The following MUC5AC variants were observed in gnomAD, a reference collection of about 807,000 sequenced individuals.
MUC5AC encodes mucin 5AC, oligomeric mucus/gel-forming, also known as mucin-5AC.
MUC5AC carries 158 observed loss-of-function variants against 169.7 expected under a neutral mutation model. The ratio of observed to expected loss-of-function variants is 0.93; its 90% CI spans 0.82 to 1.06. The LOEUF (loss-of-function observed/expected upper bound fraction) is 1.06, where lower values mean the gene tolerates loss of function less well. Among genes scored for constraint, MUC5AC ranks in the 50% least tolerant of loss-of-function variants. The pLI, the probability that MUC5AC is intolerant of heterozygous loss-of-function variation, is 0.00. For missense variants in MUC5AC, 4,359 were observed against 3,089.9 expected, an observed-to-expected ratio of 1.41 and a Z score of -9.74; for synonymous variants, 1,975 against 1,237.0, an observed-to-expected ratio of 1.60 and a Z score of -12.52.
In MUC5AC at chr11:1,184,520, G is replaced by A; in HGVS notation, c.6375G>A (p.Trp2125Ter). ...NCHPRCTWTT[W>*]FDVDFPSPGP... ...ATCCCCGGTGCACCTGGACAACGTGGTTCGACGTGGACTTCCCGTCCCCCG... is the reference window on the plus strand; with the variant it reads ...ATCCCCGGTGCACCTGGACAACGTGATTCGACGTGGACTTCCCGTCCCCCG... The change falls in exon 31 of 49, where the codon TGG (tryptophan) becomes TGA (stop). Residue 2125 changes from tryptophan to a stop codon, truncating the protein, a stop_gained. Coordinates refer to ENST00000621226, the MANE Select transcript of MUC5AC (RefSeq NM_001304359.2). LOFTEE classifies it high-confidence loss of function. The A allele has an allele frequency of 1.5e-6, 1 of 653,364 alleles. No individual in the cohort carries two copies. Among genetic ancestry groups the A allele is most frequent in the East Asian group, 2.5e-5 (1 of 40,028 alleles). 40.5% of individuals were successfully genotyped at this position (653,364 alleles called of 1,614,324 possible).
intron 1 of MUC5AC, among the ~76,000 whole-genome samples, chr11:1,159,616 G>T (rs1222612495): frequency 7.9e-6 from 1 of 125,790 alleles, no homozygotes; most frequent in Non-Finnish European, 1.6e-5. Context: ...TGCGGGGCTG[G>T]GGTCTGGTCC....
intron 3 of MUC5AC, 75 bp downstream of exon 3, chr11:1,161,661 C>G (rs1021487856): frequency 1.3e-5 from 19 of 1,508,832 alleles, no homozygotes; most frequent in Middle Eastern, 3.5e-4. Flanking sequence ...CTGGAGGTGC[C>G]GGGTGGAGAG....
intron 15 of MUC5AC, among the ~76,000 whole-genome samples, chr11:1,170,314 C>A (rs1284229637): frequency 7.0e-5 from 10 of 143,444 alleles, no homozygotes; most frequent in Non-Finnish European, 1.4e-4. Flanking sequence ...CACTCACTCA[C>A]CTCACTCACT....
Position 1,187,320 on chromosome 11 carries a change from A to C in MUC5AC, c.9175A>C (p.Ser3059Arg). The C allele has an allele frequency of 1.4e-6, 1 of 715,890 alleles. No homozygotes were observed. The highest frequency in any genetic ancestry group is 2.5e-6 in the Non-Finnish European group (1 of 393,576). 44.3% of individuals were successfully genotyped at this position (715,890 alleles called of 1,614,324 possible). Residue 3059 changes from serine to arginine, a missense_variant, in exon 31 of 49, where the codon AGC (serine) becomes CGC (arginine). Physicochemically the swap from Ser to Arg is moderately radical, Grantham distance 110 (BLOSUM62 -1). Transcript: ENST00000621226. Reference sequence around the variant, plus strand: ...CAGCACAACCTCGGCTTCTACCACCAGCATAACTTCTGGTCCTGGAACTAC... The same window carrying C: ...CAGCACAACCTCGGCTTCTACCACCCGCATAACTTCTGGTCCTGGAACTAC... ...QTSTTSASTT[S>R]ITSGPGTTPS...
At position 1,192,306 on chromosome 11, in the gene MUC5AC, C is replaced by T. The variant is rs757792438; in HGVS notation, c.14161C>T (p.Arg4721Cys). The T allele has an allele frequency of 3.9e-6, 3 of 765,100 alleles. No individual in the cohort carries two copies. Among genetic ancestry groups the T allele is most frequent in the South Asian group, 1.3e-5 (1 of 74,626 alleles). 47.4% of individuals were successfully genotyped at this position (765,100 alleles called of 1,614,324 possible). The change falls in exon 31 of 49, where the codon CGC becomes TGC. Residue 4721 changes from arginine (R) to cysteine (C), a missense_variant. Coordinates refer to ENST00000621226, the MANE Select transcript of MUC5AC (RefSeq NM_001304359.2). Reference protein sequence around the residue: ...PFKMCLNYEVRVLCCETPRGC... With the variant: ...PFKMCLNYEVCVLCCETPRGC... ...CAAGATGTGCCTCAACTACGAGGTG[C>T]GCGTGCTCTGCTGCGAGACCCCCAG...
chr11:1,180,034 A>G lies in MUC5AC; in HGVS notation c.3497A>G (p.Asp1166Gly), dbSNP rs1449276258. Reference protein sequence around the residue: ...RTPSICPLFCDYYNPEGQCEW... With the variant: ...RTPSICPLFCGYYNPEGQCEW... The stretch of plus-strand genomic sequence containing the variant: ...TTCCTCCCTGCAGCTCTGTTCTGCG[A>G]CTACTACAACCCCGAAGGCCAGTGC... The change falls in exon 27 of 49, where the codon GAC becomes GGC. Residue 1166 changes from aspartate (D) to glycine (G), a missense_variant. By Grantham distance (94) the Asp-to-Gly change is moderately conservative (BLOSUM62 -1). Coordinates refer to ENST00000621226, the MANE Select transcript of MUC5AC (RefSeq NM_001304359.2). The G allele has an allele frequency of 1.0e-5, 4 of 398,838 alleles. No individual in the cohort carries two copies. The highest frequency in any genetic ancestry group is 4.4e-5 in the Admixed American group (1 of 22,726). 24.7% of individuals were successfully genotyped at this position (398,838 alleles called of 1,614,324 possible).
Position 1,189,857 on chromosome 11 carries a change from C to G in MUC5AC, c.11712C>G (p.Thr3904=), listed in dbSNP as rs1861046843. 1 of 763,144 alleles carries G rather than the reference C, an allele frequency of 1.3e-6. No homozygotes were observed. The highest frequency in any genetic ancestry group is 2.4e-5 in the East Asian group (1 of 41,244). 47.3% of individuals were successfully genotyped at this position (763,144 alleles called of 1,614,324 possible). ...GCTCCACTCCACAGACCAGCAAAAC[C>G]TCAGCTGCTACAAGCAGCACAACCT... ...STSSTPQTSK[T]SAATSSTTSG... Residue 3904 remains threonine, a synonymous_variant, in exon 31 of 49, where the codon ACC becomes ACG. Transcript: ENST00000621226.
rs1264421827 is a variant in MUC5AC at position 1,173,752 on chromosome 11, CCACT to C, written c.1966-737_1966-734del. ...CTCATCCACTCACTCACTCACTCAT[CCACT>C]CACTCATCCACTCACTCACTCATCC... On this transcript the variant is annotated intron_variant, in intron 16 of 48. Transcript: ENST00000621226. 1.3e-4 allele frequency among the ~76,000 whole-genome samples: 19 copies of C among 141,914 alleles called. No individual in the cohort carries two copies. The East Asian group carries it at 2.6e-3, about 19-fold the overall frequency. 93.1% of individuals were successfully genotyped at this position (141,914 alleles called of 152,430 possible).
intron 15 of MUC5AC, among the ~76,000 whole-genome samples, chr11:1,171,413 AC>A (rs1860527130): frequency 2.8e-5 from 2 of 70,206 alleles, no homozygotes; most frequent in Non-Finnish European, 5.5e-5. Flanking sequence ...CCACTCACTC[AC>A]CTCACTCACT....
Position 1,185,470 on chromosome 11 carries a change from C to T in MUC5AC, c.7325C>T (p.Thr2442Ile). 4.1e-6 allele frequency: 3 copies of T among 729,182 alleles called. No individual in the cohort carries two copies. Among genetic ancestry groups the T allele is most frequent in the South Asian group, 1.4e-5 (1 of 69,966 alleles). The allele number at this position is 729,182 out of a possible 1,614,324, so 45.2% of individuals were successfully genotyped here. A position where few individuals can be genotyped will look rare whatever the true frequency, so the allele number is the denominator to read the frequency against. ...ACCAGCACAACCTCGGCTCCTACAA[C>T]CAGCACAACTTCTGGTCCTGGAACT... ...PQTSTTSAPT[T>I]STTSGPGTTP... The change falls in exon 31 of 49, where the codon ACC (threonine) becomes ATC (isoleucine). Residue 2442 changes from threonine to isoleucine, a missense_variant. Thr to Ile is a moderately conservative substitution (Grantham distance 89). Transcript: ENST00000621226.
At position 1,182,583 on chromosome 11, in the gene MUC5AC, C is replaced by G. The variant is rs878989392; in HGVS notation, c.4438C>G (p.Pro1480Ala). 0.43 allele frequency: 172,357 copies of G among 398,500 alleles called. 39,002 individuals are homozygous for G. The highest frequency in any genetic ancestry group is 0.66 in the African/African-American group (31,991 of 48,604). The allele number at this position is 398,500 out of a possible 1,614,324, so 24.7% of individuals were successfully genotyped here. A position where few individuals can be genotyped will look rare whatever the true frequency, so the allele number is the denominator to read the frequency against. The change falls in exon 31 of 49, where the codon CCC becomes GCC. Residue 1480 changes from proline to alanine, a missense_variant. By Grantham distance (27) the Pro-to-Ala change is conservative. Coordinates refer to ENST00000621226, the MANE Select transcript of MUC5AC (RefSeq NM_001304359.2). The stretch of plus-strand genomic sequence containing the variant: ...CAGGGTCCAGTGCTGCACGCCCCTA[C>G]CCTGCTCCACCTCTAGCAGTCCAGC... ...QIRVQCCTPLPCSTSSSPAQT... is the reference protein window; with the variant it reads ...QIRVQCCTPLACSTSSSPAQT...
At position 1,178,252 on chromosome 11, in the gene MUC5AC, CG is replaced by C. The variant is rs1407691075; in HGVS notation, c.3088-188del. 4.1e-3 allele frequency among the ~76,000 whole-genome samples: 627 copies of C among 152,324 alleles called. 3 individuals are homozygous for C. The highest frequency in any genetic ancestry group is 7.1e-3 in the Non-Finnish European group (482 of 68,028). Reference sequence around the variant, plus strand: ...GCCCTCGGTGCTCAGCTGCACTGCCCGGGGCCTCCCCAGGTGTAGCTGGAGG... The same window carrying C: ...GCCCTCGGTGCTCAGCTGCACTGCCCGGGCCTCCCCAGGTGTAGCTGGAGG... On this transcript the variant is annotated intron_variant, in intron 24 of 48. Coordinates refer to ENST00000621226, the MANE Select transcript of MUC5AC (RefSeq NM_001304359.2).
rs1265641849 is a variant in MUC5AC, at chr11:1,188,397, C to A, written c.10252C>A (p.Pro3418Thr). 8 of 631,972 alleles carry A rather than the reference C, an allele frequency of 1.3e-5. No homozygotes were observed. The African/African-American group carries it at 1.4e-4, about 11-fold the overall frequency. 39.1% of individuals were successfully genotyped at this position (631,972 alleles called of 1,614,324 possible). Residue 3418 changes from proline to threonine, a missense_variant, in exon 31 of 49, where the codon CCT becomes ACT. Physicochemically the swap from Pro to Thr is conservative, Grantham distance 38 (BLOSUM62 -1). Transcript: ENST00000621226. Reference sequence around the variant, plus strand: ...CCCTACAAGCAGCACAACCTCGGCTCCTACAAGCAGCACAATCTCTGCTCG... The same window carrying A: ...CCCTACAAGCAGCACAACCTCGGCTACTACAAGCAGCACAATCTCTGCTCG... Reference protein sequence around the residue: ...SAPTSSTTSAPTSSTISARTT... With the variant: ...SAPTSSTTSATTSSTISARTT...
chr11:1,197,652 C>T lies in MUC5AC; in HGVS notation c.16033+13C>T. The T allele has an allele frequency of 1.5e-6, 1 of 689,302 alleles. No homozygotes were observed. The highest frequency in any genetic ancestry group is 2.7e-6 in the Non-Finnish European group (1 of 375,044). The allele number at this position is 689,302 out of a possible 1,614,324, so 42.7% of individuals were successfully genotyped here. On this transcript the variant is annotated intron_variant, in intron 41 of 48. Transcript: ENST00000621226. Reference sequence around the variant, plus strand: ...CAGTACAGCTGCGGTAAGCCCTTTGCTGGGTGAGGGGCATGGTGTGGCAGG... The same window carrying T: ...CAGTACAGCTGCGGTAAGCCCTTTGTTGGGTGAGGGGCATGGTGTGGCAGG...
chr11:1,197,050 C>A, intron 40 of MUC5AC, 142 bp downstream of exon 40: 1 of 633,396 alleles, frequency 1.6e-6, no homozygotes, highest in Non-Finnish European at 2.8e-6. Flanking sequence ...AGAGAAAGGG[C>A]TGCGGGAGGA....
intron 1 of MUC5AC, among the ~76,000 whole-genome samples, chr11:1,159,609 G>A (rs1414067500): frequency 8.2e-5 from 9 of 109,678 alleles, no homozygotes; most frequent in Non-Finnish European, 1.5e-4. Flanking sequence ...GGGGCTGTGC[G>A]GGGCTGGGGT....
At chr11:1,169,967 CACCT>C (rs1860452761) in intron 15 of MUC5AC, among the ~76,000 whole-genome samples, 14 of 144,106 alleles carry the variant, frequency 9.7e-5, no homozygotes, top group Non-Finnish European at 1.1e-4. Flanking sequence ...TTCACCCACT[CACCT>C]ACTCACTCAC....
Position 1,194,666 on chromosome 11 carries a change from G to C in MUC5AC, c.15186G>C (p.Gln5062His). 1.3e-6 allele frequency: 1 copy of C among 756,778 alleles called. No individual in the cohort carries two copies. The highest frequency in any genetic ancestry group is 2.4e-6 in the Non-Finnish European group (1 of 412,368). 46.9% of individuals were successfully genotyped at this position (756,778 alleles called of 1,614,324 possible). A position where few individuals can be genotyped will look rare whatever the true frequency, so the allele number is the denominator to read the frequency against. The change falls in exon 35 of 49, where the codon CAG (glutamine) becomes CAC (histidine). Residue 5062 changes from glutamine to histidine, a missense_variant. By Grantham distance (24) the Gln-to-His change is conservative. Transcript: ENST00000621226. The part of the protein sequence containing the change: ...FSKFANNTEG[Q>H]CGTCTNDRKD... Reference sequence around the variant, plus strand: ...AGTTTGCCAACAACACCGAGGGCCAGTGCGGTGAGGCCACAGGGCTCCCGG... The same window carrying C: ...AGTTTGCCAACAACACCGAGGGCCACTGCGGTGAGGCCACAGGGCTCCCGG...
chr11:1,176,736 C>A (rs903102071), intron 21 of MUC5AC, 71 bp downstream of exon 21: 2 of 398,536 alleles, frequency 5.0e-6, no homozygotes, highest in Non-Finnish European at 8.8e-6. Context: ...TAAAGACGGG[C>A]GAGCCCCCAG....
Sources: allele counts gnomAD v4.1 joint callset (sites outside exome capture counted in the v4.1 genomes callset), GRCh38; gene constraint gnomAD v4.1.1; transcripts MANE v1.5; gene names NCBI Gene and HGNC (gene_info 2026-07-23, HGNC 2026-07-21).